MAML2: variants seen among roughly 807,000 people sequenced by gnomAD.
MAML2 encodes mastermind like transcriptional coactivator 2.
A neutral mutation model predicts 96.1 loss-of-function variants in MAML2; 22 were observed. The ratio of observed to expected loss-of-function variants is 0.23; its 90% CI spans 0.16 to 0.33. The LOEUF is 0.33. MAML2 is among the 10% of genes least tolerant of loss of function. The pLI, the probability that MAML2 is intolerant of heterozygous loss-of-function variation, is 1.00. For missense variants in MAML2, 1,367 were observed against 1,392.4 expected, an observed-to-expected ratio of 0.98 and a Z score of 0.29; for synonymous variants, 561 against 521.3, an observed-to-expected ratio of 1.08 and a Z score of -1.04.
chr11:96,324,136 G>A (rs1360382846), intron 1 of MAML2, among the ~76,000 whole-genome samples: 1 of 152,192 alleles, frequency 6.6e-6, no homozygotes, highest in Non-Finnish European at 1.5e-5. Flanking sequence ...GTAATTATCT[G>A]CTCCTATACG....
At position 96,145,147 on chromosome 11, in the gene MAML2, T is replaced by C. The variant is rs148813353; in HGVS notation, c.514-51630A>G. Among the ~76,000 whole-genome samples, 307 of 152,312 alleles carry C rather than the reference T, an allele frequency of 2.0e-3. 1 individual carries two copies. Among genetic ancestry groups the C allele is most frequent in the Non-Finnish European group, 2.6e-3 (175 of 68,034 alleles). ...GGAATTATTACCTTCATTTTAAAAA[T>C]AGTGAAACTGAAGCTCAGAGAGGTG... is the stretch of plus-strand genomic sequence containing the variant. On this transcript the variant is annotated intron_variant, in intron 1 of 4. Coordinates refer to ENST00000524717, the MANE Select transcript of MAML2 (RefSeq NM_032427.4).
chr11:96,186,139 G>A (rs1306551563), intron 1 of MAML2, among the ~76,000 whole-genome samples: 2 of 152,154 alleles, frequency 1.3e-5, no homozygotes, highest in South Asian at 2.1e-4. Flanking sequence ...TCACATACCT[G>A]CACACTAGAG....
At chr11:96,014,153 A>AG (rs970628298) in intron 2 of MAML2, among the ~76,000 whole-genome samples, 10 of 152,284 alleles carry the variant, frequency 6.6e-5, no homozygotes, top group African/African-American at 2.4e-4. Context: ...ACACCCTGCG[A>AG]GGGGGACAAG....
chr11:96,110,193 A>G (rs1860094022), intron 1 of MAML2, among the ~76,000 whole-genome samples: 1 of 152,148 alleles, frequency 6.6e-6, no homozygotes, highest in African/African-American at 2.4e-5. Flanking sequence ...GGAAGGTAAA[A>G]AAAGGGAAAC....
At position 96,207,994 on chromosome 11, in the gene MAML2, G is replaced by C. The variant is rs573967825; in HGVS notation, c.514-114477C>G. On this transcript the variant is annotated intron_variant, in intron 1 of 4. Transcript: ENST00000524717. ...TTTCTCCATACTAACACACTTGCTG[G>C]GTTTTTTTCTAAGCTCCCAAACTCA... Among the ~76,000 whole-genome samples, 3 of 152,084 alleles carry C rather than the reference G, an allele frequency of 2.0e-5. 1 individual carries two copies. The South Asian group carries it at 6.2e-4, about 32-fold the overall frequency.
chr11:96,188,597 T>G (rs1861607418), intron 1 of MAML2, among the ~76,000 whole-genome samples: 1 of 151,972 alleles, frequency 6.6e-6, no homozygotes, highest in Non-Finnish European at 1.5e-5. Context: ...TTGAAAACGT[T>G]AAGTCCTTTA....
At chr11:96,340,346 A>G (rs952171758) in intron 1 of MAML2, among the ~76,000 whole-genome samples, 6 of 152,252 alleles carry the variant, frequency 3.9e-5, no homozygotes, top group Admixed American at 3.9e-4. Context: ...TAGAATCCAG[A>G]AGTCCCATGG....
chr11:96,163,903 C>T (rs552342018), intron 1 of MAML2, among the ~76,000 whole-genome samples: 1 of 149,628 alleles, frequency 6.7e-6, no homozygotes, highest in Non-Finnish European at 1.5e-5. Context: ...GCTCTTGTTG[C>T]CCATGCGGGA....
chr11:96,085,746 A>G (rs1859599550), intron 2 of MAML2, among the ~76,000 whole-genome samples: 1 of 152,222 alleles, frequency 6.6e-6, no homozygotes, highest in African/African-American at 2.4e-5. Context: ...TGGAATGAGA[A>G]TAATAGAAGC....
At chr11:96,113,172 C>CAAA (rs746481079) in intron 1 of MAML2, among the ~76,000 whole-genome samples, 6 of 26,858 alleles carry the variant, frequency 2.2e-4, no homozygotes, top group East Asian at 1.3e-3. Context: ...CTTTAAAAGA[C>CAAA]AAAAAAAAAA....
intron 1 of MAML2, among the ~76,000 whole-genome samples, chr11:96,176,741 G>A (rs1042345071): frequency 2.0e-5 from 3 of 152,198 alleles, no homozygotes; most frequent in Non-Finnish European, 2.9e-5. Context: ...ACCAGGTAGT[G>A]GGAAGGAAGT....
intron 1 of MAML2, among the ~76,000 whole-genome samples, chr11:96,166,177 T>TCTCTCTCTCACACA (rs530578845): frequency 5.3e-4 from 59 of 110,380 alleles, no homozygotes; most frequent in South Asian, 1.3e-3. Flanking sequence ...TCTCTCTCTC[T>TCTCTCTCTCACACA]CACACACACA....
chr11:96,060,448 AT>A (rs552998833), intron 2 of MAML2, among the ~76,000 whole-genome samples: 2,568 of 147,138 alleles, frequency 0.017, 57 homozygotes, highest in African/African-American at 0.055. Flanking sequence ...CATTTGTTCT[AT>A]TTTTTTTTTT....
chr11:96,009,759 A>G (rs1012960349), intron 2 of MAML2, among the ~76,000 whole-genome samples: 2 of 152,238 alleles, frequency 1.3e-5, no homozygotes, highest in Non-Finnish European at 2.9e-5. Flanking sequence ...AATGCAAATA[A>G]TAATTCACAA....
intron 1 of MAML2, among the ~76,000 whole-genome samples, chr11:96,147,024 T>C (rs1038853672): frequency 1.3e-5 from 2 of 152,212 alleles, no homozygotes. Flanking sequence ...TCATGTTCTA[T>C]CCTTCATTTA....
intron 1 of MAML2, among the ~76,000 whole-genome samples, chr11:96,254,064 G>A (rs1457971703): frequency 6.6e-6 from 1 of 152,302 alleles, no homozygotes; most frequent in African/African-American, 2.4e-5. Context: ...TGAGACTTCT[G>A]GGAGAATTTT....
chr11:96,206,921 A>G (rs1861903918), intron 1 of MAML2, among the ~76,000 whole-genome samples: 1 of 152,124 alleles, frequency 6.6e-6, no homozygotes, highest in Non-Finnish European at 1.5e-5. Context: ...TGGTAAATAA[A>G]AAACAAAAGT....
At chr11:96,029,164 G>GTT (rs35004085) in intron 2 of MAML2, among the ~76,000 whole-genome samples, 10 of 141,622 alleles carry the variant, frequency 7.1e-5, no homozygotes, top group African/African-American at 2.3e-4. Flanking sequence ...GAGTGAAACG[G>GTT]TTTTTTTTTT....
chr11:96,228,675 GCCAGA>G (rs1190970478), intron 1 of MAML2, among the ~76,000 whole-genome samples: 2 of 152,176 alleles, frequency 1.3e-5, no homozygotes, highest in South Asian at 2.1e-4. Context: ...TGCTCAGTCG[GCCAGA>G]CCAGACCAGA....
Sources: allele counts gnomAD v4.1 joint callset (sites outside exome capture counted in the v4.1 genomes callset), GRCh38; gene constraint gnomAD v4.1.1; transcripts MANE v1.5; gene names NCBI Gene and HGNC (gene_info 2026-07-23, HGNC 2026-07-21).